AACS: variants seen among roughly 807,000 people sequenced by gnomAD.
AACS encodes the protein acetoacetate-CoA ligase.
AACS carries 69 observed loss-of-function variants against 83.1 expected under a neutral mutation model. That is an observed-to-expected ratio of 0.83 (90% CI 0.68 to 1.01). AACS has a LOEUF of 1.01. AACS is among the 50% of genes least tolerant of loss of function. AACS has a pLI of 0.00. For missense variants in AACS, 866 were observed against 882.2 expected (o/e 0.98, Z 0.23); for synonymous variants, 333 against 343.4 (o/e 0.97, Z 0.33).
At chr12:125,077,493 G>C (rs1956054030) in intron 3 of AACS, among the ~76,000 whole-genome samples, 1 of 147,788 alleles carries the variant, frequency 6.8e-6, no homozygotes, top group Non-Finnish European at 1.5e-5. Flanking sequence ...CTGGGCGACA[G>C]AGTGAGACTC....
At chr12:125,126,817 A>G (rs1957251532) in intron 12 of AACS, 2 of 151,788 alleles carry the variant, frequency 1.3e-5, no homozygotes, top group Non-Finnish European at 2.9e-5. Flanking sequence ...TCCTAACCTC[A>G]AGTGATTCTC....
At chr12:125,078,332 G>A (rs1956081775) in intron 3 of AACS, 2 of 456,212 alleles carry the variant, frequency 4.4e-6, no homozygotes, top group Non-Finnish European at 8.8e-6. Context: ...TCCTGGTGAA[G>A]AGCCATGGAG....
At chr12:125,067,102 T>C (rs901209335) in intron 1 of AACS, among the ~76,000 whole-genome samples, 5 of 152,210 alleles carry the variant, frequency 3.3e-5, no homozygotes, top group African/African-American at 1.2e-4. Flanking sequence ...AGTGGTTCCT[T>C]GTTGACCACA....
intron 8 of AACS, among the ~76,000 whole-genome samples, 184 bp downstream of exon 8, chr12:125,107,452 G>A (rs1164021442): frequency 6.6e-6 from 1 of 152,240 alleles, no homozygotes; most frequent in Non-Finnish European, 1.5e-5. Flanking sequence ...GGGCAGTGGA[G>A]TGCTGCCACT....
At chr12:125,100,312 C>G (rs1956687251) in intron 5 of AACS, among the ~76,000 whole-genome samples, 1 of 152,226 alleles carries the variant, frequency 6.6e-6, no homozygotes, top group Admixed American at 6.5e-5. Flanking sequence ...TGGTCAAGTC[C>G]ATCATTAGTT....
intron 8 of AACS, among the ~76,000 whole-genome samples, chr12:125,111,020 C>G (rs1956943219): frequency 6.6e-6 from 1 of 152,010 alleles, no homozygotes; most frequent in South Asian, 2.1e-4. Flanking sequence ...CAGGTTAATT[C>G]TCAAGAAACC....
At chr12:125,112,043 T>G (rs745733558) in intron 8 of AACS, among the ~76,000 whole-genome samples, 11 of 152,186 alleles carry the variant, frequency 7.2e-5, no homozygotes, top group Non-Finnish European at 1.5e-4. Context: ...TGATTTTAAG[T>G]GAAAAAGAAA....
At chr12:125,108,187 TGAGA>T (rs1404499847) in intron 8 of AACS, among the ~76,000 whole-genome samples, 12 of 152,204 alleles carry the variant, frequency 7.9e-5, no homozygotes, top group Admixed American at 7.9e-4. Context: ...TCTAATTAAC[TGAGA>T]AAGAGCCTGC....
chr12:125,140,403 G>T lies in AACS; in HGVS notation c.1882-1689G>T, dbSNP rs1382298376. The T allele has an allele frequency of 1.3e-5, 2 of 152,172 alleles. No individual in the cohort carries two copies. Among genetic ancestry groups the T allele is most frequent in the African/African-American group, 4.8e-5 (2 of 41,422 alleles). 9.4% of individuals were successfully genotyped at this position (152,172 alleles called of 1,614,324 possible). On this transcript the variant is annotated intron_variant, in intron 17 of 17. Transcript: ENST00000316519. This position sits in a 1 kb window ranked among gnomAD's most constrained non-coding sequence, Gnocchi z 5.1. ...TTTTGCCAGCGGGTGGAAGGTGGCG[G>T]TATTAGCTCCCGTGAGCTGCACGTG...
intron 4 of AACS, among the ~76,000 whole-genome samples, chr12:125,087,656 C>T (rs1042400789): frequency 3.3e-5 from 5 of 152,222 alleles, no homozygotes; most frequent in Non-Finnish European, 7.3e-5. Flanking sequence ...GGGTGTGCCT[C>T]TCCCGAGGGA....
intron 4 of AACS, among the ~76,000 whole-genome samples, chr12:125,089,933 C>A (rs950324401): frequency 4.6e-5 from 7 of 152,192 alleles, no homozygotes; most frequent in Non-Finnish European, 8.8e-5. Context: ...ATTTATCTAT[C>A]CTCCACCCAT....
intron 4 of AACS, among the ~76,000 whole-genome samples, chr12:125,087,490 A>T (rs1002700291): frequency 1.6e-4 from 24 of 152,226 alleles, no homozygotes; most frequent in African/African-American, 5.8e-4. Context: ...GCAGGTGCAG[A>T]CGAAGGAGAT....
rs1280686682 is a variant in AACS at position 125,140,140 on chromosome 12, G to GTC, written c.1882-1952_1882-1951insTC. The GTC allele has an allele frequency of 6.6e-6, 1 of 152,212 alleles. No individual in the cohort carries two copies. The highest frequency in any genetic ancestry group is 2.4e-5 in the African/African-American group (1 of 41,432). The allele number at this position is 152,212 out of a possible 1,614,324, so 9.4% of individuals were successfully genotyped here. On this transcript the variant is annotated intron_variant, in intron 17 of 17. Transcript: ENST00000316519. The surrounding 1 kb of genome is among the most constrained non-coding windows in gnomAD (Gnocchi z 5.1). ...AGGGCTTCCCGACTGCAGCCCTCAG[G>GTC]CAGCCATGGCTGTCCCAAGTCCAGC...
In AACS at chr12:125,107,119, A is replaced by G. The variant is rs747734924; in HGVS notation, c.768-2A>G. On this transcript the variant is annotated splice_acceptor_variant, in intron 7 of 17. Transcript: ENST00000316519. LOFTEE classifies it high-confidence loss of function. ...CGTGTTTCCCTGCGTTTCGGCCCAC[A>G]GTGTGTTTCTGGATGACTTTCTTGC... The G allele has an allele frequency of 1.9e-6, 3 of 1,614,106 alleles. No individual in the cohort carries two copies. In the Admixed American group the frequency reaches 5.0e-5, roughly 27 times the overall value.
At position 125,077,347 on chromosome 12, in the gene AACS, G is replaced by A. The variant is rs541665592; in HGVS notation, c.358+736G>A. On this transcript the variant is annotated intron_variant, in intron 3 of 17. Transcript: ENST00000316519. ...AACATGGTGAAACCCCGTCTCTACT[G>A]AAAATACAAAATATTAGCCAGGCGT... 6.5e-4 allele frequency among the ~76,000 whole-genome samples: 98 copies of A among 151,918 alleles called. No individual in the cohort carries two copies. The South Asian group carries it at 0.019, about 29-fold the overall frequency.
chr12:125,112,177 A>G (rs1443290071), intron 8 of AACS, among the ~76,000 whole-genome samples: 1 of 152,144 alleles, frequency 6.6e-6, no homozygotes, highest in African/African-American at 2.4e-5. Flanking sequence ...ATTATTGCCT[A>G]CCCACTGTGC....
intron 10 of AACS, among the ~76,000 whole-genome samples, chr12:125,119,394 G>A (rs77459450): frequency 0.05 from 7,552 of 152,296 alleles, 258 homozygotes; most frequent in African/African-American, 0.087. Flanking sequence ...AGATTCAGGA[G>A]TGAGATTGTA....
chr12:125,079,661 T>C (rs909074014), intron 3 of AACS, among the ~76,000 whole-genome samples: 7 of 152,146 alleles, frequency 4.6e-5, no homozygotes, highest in Non-Finnish European at 2.9e-5. Flanking sequence ...AGTGCTGGGA[T>C]TATAGGCATG....
chr12:125,090,334 C>G (rs1203357399), intron 4 of AACS, among the ~76,000 whole-genome samples: 2 of 151,580 alleles, frequency 1.3e-5, no homozygotes, highest in African/African-American at 4.8e-5. Flanking sequence ...TCTATACATT[C>G]TTCTCTCCAC....
Sources: gnomAD v4.1 joint callset for allele counts (sites outside exome capture counted in the v4.1 genomes callset) on GRCh38, gnomAD v4.1.1 for gene constraint, Gnocchi (gnomAD v3.1) non-coding constraint, MANE v1.5 for transcripts, NCBI Gene and HGNC (gene_info 2026-07-23, HGNC 2026-07-21) for gene names.